Variants in SHPRH observed in about 807,000 individuals in gnomAD.
The protein encoded by SHPRH is SNF2 histone linker PHD RING helicase.
A neutral mutation model predicts 202.5 loss-of-function variants in SHPRH; 106 were observed. The observed-to-expected ratio is 0.52, with a 90% CI of 0.45 to 0.62. The LOEUF (loss-of-function observed/expected upper bound fraction) is 0.62, where lower values mean the gene tolerates loss of function less well. Ranked by LOEUF, SHPRH falls within the 20% of genes least tolerant of loss-of-function variation. The pLI is 0.00. For missense variants in SHPRH, 1,710 were observed against 2,020.0 expected (o/e 0.85, Z 2.94); for synonymous variants, 729 against 686.0 (o/e 1.06, Z -0.98).
downstream of SHPRH, among the ~76,000 whole-genome samples, chr6:145,860,798 A>G (rs1258710394): frequency 6.6e-6 from 1 of 152,142 alleles, no homozygotes; most frequent in Non-Finnish European, 1.5e-5. Context: ...ATAAAAACAG[A>G]TATATGGGAC....
intron 16 of SHPRH, 80 bp from the exon 17 acceptor site, chr6:145,924,926 AT>A: frequency 1.9e-6 from 2 of 1,079,606 alleles, no homozygotes; most frequent in Non-Finnish European, 2.8e-6. Flanking sequence ...AGAATGGGTC[AT>A]TTTATACATT....
chr6:145,881,901 C>T (rs570437270), downstream of SHPRH, among the ~76,000 whole-genome samples: 19 of 152,046 alleles, frequency 1.2e-4, no homozygotes, highest in East Asian at 2.3e-3. Context: ...CCCAGGAGTT[C>T]GAGACCAGCC....
intron 25 of SHPRH, among the ~76,000 whole-genome samples, chr6:145,896,589 AC>A (rs1224253105): frequency 2.6e-5 from 4 of 152,038 alleles, no homozygotes; most frequent in Non-Finnish European, 5.9e-5. Flanking sequence ...ATCCCTTCCA[AC>A]CACTACAGTT....
At position 145,943,535 on chromosome 6, in the gene SHPRH, T is replaced by C. The variant is rs1286565841; in HGVS notation, c.1846A>G (p.Lys616Glu). ...TTGAATTCAGAGATACATGTACTTT[T>C]AGACATAGCAACATCAGTTATTCCA... ...DSGITDVAMS[K>E]STCISEFNQE... The change falls in exon 9 of 30, where the codon AAA becomes GAA. Residue 616 changes from lysine (K) to glutamate (E), a missense_variant. Lys to Glu is a moderately conservative substitution (Grantham distance 56). Transcript: ENST00000275233. 1 of 1,614,072 alleles carries C rather than the reference T, an allele frequency of 6.2e-7. No homozygotes were observed. Among genetic ancestry groups the C allele is most frequent in the African/African-American group, 1.3e-5 (1 of 75,042 alleles).
intron 25 of SHPRH, among the ~76,000 whole-genome samples, chr6:145,902,302 T>C (rs1782570704): frequency 6.6e-6 from 1 of 152,122 alleles, no homozygotes; most frequent in Non-Finnish European, 1.5e-5. Flanking sequence ...AGAAATGTCA[T>C]GTGGCTTATC....
At chr6:145,910,676 T>A (rs370652058) in intron 24 of SHPRH, 40 bp from the exon 25 acceptor site, 4 of 1,475,850 alleles carry the variant, frequency 2.7e-6, no homozygotes, top group Non-Finnish European at 3.6e-6. Flanking sequence ...CTATCAAAGA[T>A]GCCTTACAAT....
At chr6:145,929,856 T>C (rs947029432) in intron 14 of SHPRH, among the ~76,000 whole-genome samples, 1 of 152,092 alleles carries the variant, frequency 6.6e-6, no homozygotes, top group African/African-American at 2.4e-5. Context: ...AGGTTGAAAG[T>C]GGTAAGAATC....
intron 24 of SHPRH, among the ~76,000 whole-genome samples, chr6:145,911,858 C>G (rs1783527511): frequency 6.6e-6 from 1 of 152,040 alleles, no homozygotes; most frequent in Non-Finnish European, 1.5e-5. Flanking sequence ...AATACTATTC[C>G]TACTGTTCTC....
chr6:145,958,340 T>C (rs1212832548), intron 1 of SHPRH, among the ~76,000 whole-genome samples: 2 of 152,134 alleles, frequency 1.3e-5, no homozygotes, highest in Non-Finnish European at 2.9e-5. Flanking sequence ...AACAAAAAGA[T>C]GCACGAGATT....
At chr6:145,925,076 T>G (rs1784742727) in intron 16 of SHPRH, among the ~76,000 whole-genome samples, 1 of 151,754 alleles carries the variant, frequency 6.6e-6, no homozygotes, top group African/African-American at 2.4e-5. Context: ...ACACCGAATA[T>G]TTGTTTGCCA....
chr6:145,941,863 T>C lies in SHPRH; in HGVS notation c.2250A>G (p.Gly750=), dbSNP rs374698916. 10 of 1,613,538 alleles carry C rather than the reference T, an allele frequency of 6.2e-6. No homozygotes were observed. In the African/African-American group the frequency reaches 1.3e-4, roughly 22 times the overall value. Residue 750 remains glycine (G), a synonymous_variant, in exon 10 of 30, where the codon GGA becomes GGG. Coordinates refer to ENST00000275233, the MANE Select transcript of SHPRH (RefSeq NM_001042683.3). ...SSSLRVLVYQ[G]VKKDGFLQPH... ...GTTGTAAAAAGCCATCTTTCTTCACTCCTTGATATACCTAGGAAATAATCA... is the reference window on the plus strand; with the variant it reads ...GTTGTAAAAAGCCATCTTTCTTCACCCCTTGATATACCTAGGAAATAATCA...
intron 21 of SHPRH, among the ~76,000 whole-genome samples, chr6:145,919,982 G>A (rs1418179354): frequency 6.6e-6 from 1 of 151,832 alleles, no homozygotes; most frequent in Non-Finnish European, 1.5e-5. Context: ...CCAACCATGG[G>A]GCAACCACTA....
Position 145,945,238 on chromosome 6 carries a change from T to C in SHPRH, c.1578+143A>G, listed in dbSNP as rs114031071. On this transcript the variant is annotated intron_variant, in intron 8 of 29. Transcript: ENST00000275233. ...GAGTTTATATCCACAAAGTAGAAAGTAGAAGTTACAGATATAAGTACTTTT... is the reference window on the plus strand; with the variant it reads ...GAGTTTATATCCACAAAGTAGAAAGCAGAAGTTACAGATATAAGTACTTTT... 1,377 of 963,014 alleles carry C rather than the reference T, an allele frequency of 1.4e-3. 8 individuals carry two copies. In the African/African-American group the frequency reaches 0.02, roughly 14 times the overall value. 59.7% of individuals were successfully genotyped at this position (963,014 alleles called of 1,614,324 possible).
At chr6:145,938,402 C>G (rs553639748) in intron 11 of SHPRH, among the ~76,000 whole-genome samples, 1 of 152,122 alleles carries the variant, frequency 6.6e-6, no homozygotes, top group East Asian at 1.9e-4. Context: ...TTGTAGTTAT[C>G]CAGTCTGTGG....
intron 4 of SHPRH, among the ~76,000 whole-genome samples, chr6:145,949,688 G>A (rs1392422992): frequency 1.3e-5 from 2 of 151,946 alleles, no homozygotes; most frequent in Non-Finnish European, 2.9e-5. Context: ...ATTCATCCAT[G>A]TAACCAAAAA....
intron 14 of SHPRH, 52 bp from the exon 15 acceptor site, chr6:145,927,329 C>T: frequency 6.9e-7 from 1 of 1,451,304 alleles, no homozygotes. Context: ...ATTTAGTTCC[C>T]AATGTCATCT....
chr6:145,962,425 T>G (rs933834966), intron 1 of SHPRH, among the ~76,000 whole-genome samples: 2 of 152,216 alleles, frequency 1.3e-5, no homozygotes, highest in Non-Finnish European at 2.9e-5. Context: ...GAAGTCTCTC[T>G]TATCCACATT....
intron 22 of SHPRH, 162 bp from the exon 23 acceptor site, chr6:145,918,394 T>A: frequency 2.3e-6 from 1 of 426,328 alleles, no homozygotes; most frequent in East Asian, 3.8e-5. Context: ...ATAATATATT[T>A]CAAATGATTT....
chr6:145,935,805 C>T (rs1332994804), intron 11 of SHPRH: 2 of 165,182 alleles, frequency 1.2e-5, no homozygotes, highest in South Asian at 3.6e-4. Context: ...CCAATAGATG[C>T]AAGATTTGCT....
Sources: gnomAD v4.1 joint callset for allele counts (sites outside exome capture counted in the v4.1 genomes callset) on GRCh38, gnomAD v4.1.1 for gene constraint, MANE v1.5 for transcripts, NCBI Gene and HGNC (gene_info 2026-07-23, HGNC 2026-07-21) for gene names.